SNX9: variants seen among roughly 807,000 people sequenced by gnomAD.
The protein encoded by SNX9 is sorting nexin-9.
A neutral mutation model predicts 89.4 loss-of-function variants in SNX9; 44 were observed. The observed-to-expected ratio is 0.49, with a 90% CI of 0.39 to 0.63. SNX9 has a LOEUF of 0.63. Among genes scored for constraint, SNX9 ranks in the 30% least tolerant of loss-of-function variants. The pLI, the probability that SNX9 is intolerant of heterozygous loss-of-function variation, is 0.00. For synonymous variants in SNX9, 236 were observed against 247.8 expected, an observed-to-expected ratio of 0.95 and a Z score of 0.45; for missense variants, 578 against 736.1, an observed-to-expected ratio of 0.79 and a Z score of 2.49.
chr6:157,926,481 G>A (rs546079311), intron 10 of SNX9, among the ~76,000 whole-genome samples: 1 of 152,064 alleles, frequency 6.6e-6, no homozygotes, highest in Non-Finnish European at 1.5e-5. Flanking sequence ...TGAGGCACTA[G>A]GTCAGAATGC....
At chr6:157,867,490 GT>G in intron 1 of SNX9, 56 bp from the exon 2 acceptor site, 1 of 1,411,090 alleles carries the variant, frequency 7.1e-7, no homozygotes, top group Non-Finnish European at 1.0e-6. Flanking sequence ...CACCTTTTGT[GT>G]TTTTACTACT....
chr6:157,873,846 A>G (rs3805770), intron 3 of SNX9, among the ~76,000 whole-genome samples: 44,369 of 151,844 alleles, frequency 0.29, 7,509 homozygotes, highest in African/African-American at 0.47. Context: ...GTTAGGATGG[A>G]TACCCAGGAG....
intron 11 of SNX9, among the ~76,000 whole-genome samples, chr6:157,927,462 T>C (rs1301577920): frequency 6.6e-6 from 1 of 152,206 alleles, no homozygotes; most frequent in African/African-American, 2.4e-5. Context: ...GACACGGTGC[T>C]GAGTAGCTGT....
At chr6:157,940,196 C>T (rs1424849978) in intron 16 of SNX9, among the ~76,000 whole-genome samples, 1 of 152,188 alleles carries the variant, frequency 6.6e-6, no homozygotes, top group Non-Finnish European at 1.5e-5. Context: ...GGGAGCGGGG[C>T]AGGGACCCCA....
At chr6:157,909,239 G>C (rs1316882356) in intron 7 of SNX9, among the ~76,000 whole-genome samples, 1 of 152,188 alleles carries the variant, frequency 6.6e-6, no homozygotes, top group Non-Finnish European at 1.5e-5. Flanking sequence ...TTGAAAACTT[G>C]AGGACAATTT....
intron 12 of SNX9, among the ~76,000 whole-genome samples, chr6:157,931,080 G>A (rs1265177347): frequency 6.6e-6 from 1 of 152,188 alleles, no homozygotes; most frequent in Non-Finnish European, 1.5e-5. Flanking sequence ...GCCTCAGGCC[G>A]CTCTTTTGTG....
At chr6:157,899,046 G>A (rs1172239131) in intron 5 of SNX9, among the ~76,000 whole-genome samples, 1 of 147,158 alleles carries the variant, frequency 6.8e-6, no homozygotes. Flanking sequence ...CAGGCCGTTA[G>A]AGTAGGGGAG....
intron 17 of SNX9, among the ~76,000 whole-genome samples, chr6:157,942,474 A>G (rs577817193): frequency 6.6e-6 from 1 of 152,358 alleles, no homozygotes; most frequent in South Asian, 2.1e-4. Flanking sequence ...CTAGGCAAAC[A>G]TGAAGGCCTG....
chr6:157,834,489 G>A (rs1262065755), intron 1 of SNX9, among the ~76,000 whole-genome samples: 7 of 151,090 alleles, frequency 4.6e-5, no homozygotes, highest in African/African-American at 1.5e-4. Context: ...TTGGACTACA[G>A]CTGTGTGCCA....
At chr6:157,864,609 G>A (rs1453540368) in intron 1 of SNX9, among the ~76,000 whole-genome samples, 3 of 152,286 alleles carry the variant, frequency 2.0e-5, no homozygotes, top group South Asian at 2.1e-4. Flanking sequence ...CCTCATGCCC[G>A]TGAGTGTGGC....
intron 8 of SNX9, 41 bp downstream of exon 8, chr6:157,909,831 C>T (rs755868894): frequency 2.4e-5 from 39 of 1,612,024 alleles, no homozygotes; most frequent in Non-Finnish European, 3.0e-5. Context: ...ATGTTTGGAT[C>T]ACTGATTGCA....
intron 1 of SNX9, among the ~76,000 whole-genome samples, chr6:157,848,789 G>A (rs576447325): frequency 6.6e-6 from 1 of 152,202 alleles, no homozygotes; most frequent in Non-Finnish European, 1.5e-5. Context: ...AAATGATAGG[G>A]GAAGGGTAGT....
At chr6:157,941,501 AC>A (rs1784035105) in intron 17 of SNX9, among the ~76,000 whole-genome samples, 1 of 152,220 alleles carries the variant, frequency 6.6e-6, no homozygotes, top group African/African-American at 2.4e-5. Context: ...AATTTTTCTT[AC>A]CTCTGCTTAG....
At position 157,882,024 on chromosome 6, in the gene SNX9, G is replaced by C. The variant is rs555588155; in HGVS notation, c.300+6848G>C. 4.6e-5 allele frequency among the ~76,000 whole-genome samples: 7 copies of C among 152,336 alleles called. No individual in the cohort carries two copies. The South Asian group carries it at 1.5e-3, about 32-fold the overall frequency. On this transcript the variant is annotated intron_variant, in intron 4 of 17. Transcript: ENST00000392185. ...TATTATTGGAAGAAGATGCCATCTA[G>C]GACTTGCACAGCTGGAGAGGGGAAG...
chr6:157,859,636 A>T (rs561516546), intron 1 of SNX9, among the ~76,000 whole-genome samples: 1 of 152,146 alleles, frequency 6.6e-6, no homozygotes, highest in Admixed American at 6.5e-5. Context: ...TACAACCCCA[A>T]ATTGTGGCCG....
At chr6:157,899,711 T>G (rs1240729681) in intron 5 of SNX9, among the ~76,000 whole-genome samples, 3 of 152,202 alleles carry the variant, frequency 2.0e-5, no homozygotes, top group African/African-American at 7.2e-5. Flanking sequence ...GAGGCGGAGC[T>G]TGCAGGGAGC....
chr6:157,884,412 G>T (rs1782689692), intron 4 of SNX9, among the ~76,000 whole-genome samples: 1 of 152,012 alleles, frequency 6.6e-6, no homozygotes, highest in Non-Finnish European at 1.5e-5. Flanking sequence ...GCCTTTTTTG[G>T]TAGTCCATTT....
chr6:157,870,969 AGAGT>A lies in SNX9; in HGVS notation c.100-2129_100-2126del, dbSNP rs1216709455. On this transcript the variant is annotated intron_variant, in intron 2 of 17. Transcript: ENST00000392185. ...TCACACAGAGCTCCTGTGGAAGGAGAGAGTGAGAACTGTGGCAGTGCCAAGATCG... is the reference window on the plus strand; with the variant it reads ...TCACACAGAGCTCCTGTGGAAGGAGAGAGAACTGTGGCAGTGCCAAGATCG... Among the ~76,000 whole-genome samples the A allele has an allele frequency of 7.2e-5, 11 of 152,362 alleles. No individual in the cohort carries two copies. The East Asian group carries it at 2.1e-3, about 29-fold the overall frequency.
intron 10 of SNX9, among the ~76,000 whole-genome samples, chr6:157,925,304 C>T (rs1287011613): frequency 6.6e-6 from 1 of 150,864 alleles, no homozygotes; most frequent in East Asian, 1.9e-4. Flanking sequence ...CAATAAGATG[C>T]CACTACACAC....
Sources: allele counts gnomAD v4.1 joint callset (sites outside exome capture counted in the v4.1 genomes callset), GRCh38; gene constraint gnomAD v4.1.1; transcripts MANE v1.5; gene names NCBI Gene and HGNC (gene_info 2026-07-23, HGNC 2026-07-21).